Variants in ADAMTS2 observed in about 807,000 individuals in gnomAD.
ADAMTS2 encodes ADAM metallopeptidase with thrombospondin type 1 motif 2.
ADAMTS2 carries 50 observed loss-of-function variants against 123.0 expected under a neutral mutation model. That is an observed-to-expected ratio of 0.41 (90% CI 0.32 to 0.51). The LOEUF is 0.51. Ranked by LOEUF, ADAMTS2 falls within the 20% of genes least tolerant of loss-of-function variation. The probability of loss-of-function intolerance (pLI) is 0.35; values close to 1 mark genes in which losing one functional copy is unlikely to be tolerated. For missense variants in ADAMTS2, 1,494 were observed against 1,705.2 expected (o/e 0.88, Z 2.18); for synonymous variants, 678 against 695.4 (o/e 0.98, Z 0.39).
chr5:179,299,832 C>T (rs1756461083), intron 2 of ADAMTS2, among the ~76,000 whole-genome samples: 1 of 152,052 alleles, frequency 6.6e-6, no homozygotes, highest in Non-Finnish European at 1.5e-5. Context: ...GGCCAGCTCA[C>T]ACCTGTAATC....
intron 2 of ADAMTS2, among the ~76,000 whole-genome samples, chr5:179,329,120 G>T (rs187192067): frequency 4.6e-5 from 7 of 152,116 alleles, no homozygotes; most frequent in East Asian, 1.9e-4. Flanking sequence ...GAGGTCAGGA[G>T]ATGGAGACCA....
At chr5:179,236,491 A>C (rs1350163917) in intron 3 of ADAMTS2, among the ~76,000 whole-genome samples, 2 of 151,628 alleles carry the variant, frequency 1.3e-5, no homozygotes, top group Non-Finnish European at 2.9e-5. Flanking sequence ...GCCTCTGATA[A>C]AGAATCGTTT....
At chr5:179,171,331 C>A (rs561733434) in intron 5 of ADAMTS2, among the ~76,000 whole-genome samples, 2 of 152,190 alleles carry the variant, frequency 1.3e-5, no homozygotes, top group African/African-American at 2.4e-5. Context: ...ACAGCACATT[C>A]GCTAAGTCAG....
Position 179,283,856 on chromosome 5 carries a change from C to G in ADAMTS2, c.535-10792G>C, listed in dbSNP as rs186067817. ...AGTGAGCCGAGATCATGTCACTGCA[C>G]TCCAGCCTGGGAGACAGAGACAGAC... On this transcript the variant is annotated intron_variant, in intron 2 of 21. Transcript: ENST00000251582. 4.5e-3 allele frequency among the ~76,000 whole-genome samples: 681 copies of G among 151,352 alleles called. 7 individuals are homozygous for G. The highest frequency in any genetic ancestry group is 0.016 in the African/African-American group (653 of 41,352).
intron 2 of ADAMTS2, among the ~76,000 whole-genome samples, chr5:179,336,265 G>A (rs1477895215): frequency 2.6e-5 from 4 of 152,210 alleles, no homozygotes; most frequent in Middle Eastern, 6.3e-3. Flanking sequence ...GAAGAGTCAC[G>A]CTGTGAGGTC....
At position 179,207,583 on chromosome 5, in the gene ADAMTS2, A is replaced by G. The variant is rs1373325794; in HGVS notation, c.821T>C (p.Val274Ala). 3 of 1,612,762 alleles carry G rather than the reference A, an allele frequency of 1.9e-6. No individual in the cohort carries two copies. The highest frequency in any genetic ancestry group is 2.5e-6 in the Non-Finnish European group (3 of 1,179,930). ...GTGGAACTGCACCACAGAGTCATCC[A>G]CGCCCAGCAGGACCTCGATGTTGTA... is the stretch of plus-strand genomic sequence containing the variant. ...DDYNIEVLLG[V>A]DDSVVQFHGK... Residue 274 changes from valine to alanine, a missense_variant, in exon 4 of 22, where the codon GTG becomes GCG. Coordinates refer to ENST00000251582, the MANE Select transcript of ADAMTS2 (RefSeq NM_014244.5).
Position 179,207,646 on chromosome 5 carries a change from G to C in ADAMTS2, c.758C>G (p.Ser253Trp). Residue 253 changes from serine (S) to tryptophan (W), a missense_variant, in exon 4 of 22, where the codon TCG (serine) becomes TGG (tryptophan). Coordinates refer to ENST00000251582, the MANE Select transcript of ADAMTS2 (RefSeq NM_014244.5). Reference protein sequence around the residue: ...LGVLEEHANSSRRRARRHAAD... With the variant: ...LGVLEEHANSWRRRARRHAAD... ...AGCATGCCTGCGTGCCCTCCGCCTC[G>C]AGCTGTTGGCGTGCTCCTCTAGGAC... 1.9e-6 allele frequency: 3 copies of C among 1,613,678 alleles called. No individual in the cohort carries two copies. Among genetic ancestry groups the C allele is most frequent in the East Asian group, 2.2e-5 (1 of 44,882 alleles).
chr5:179,143,327 G>A (rs958641943), intron 10 of ADAMTS2, among the ~76,000 whole-genome samples: 1 of 151,990 alleles, frequency 6.6e-6, no homozygotes, highest in Non-Finnish European at 1.5e-5. Flanking sequence ...CCAGCTACTC[G>A]GAGGCTGAGA....
intron 3 of ADAMTS2, among the ~76,000 whole-genome samples, chr5:179,271,797 C>T (rs1288213852): frequency 1.3e-5 from 2 of 152,246 alleles, no homozygotes; most frequent in Non-Finnish European, 2.9e-5. Context: ...AGAAGTATGC[C>T]TGCCAGGCTG....
rs1242955408 is a variant in ADAMTS2 at position 179,202,962 on chromosome 5, G to C, written c.891+4551C>G. 6.6e-6 allele frequency among the ~76,000 whole-genome samples: 1 copy of C among 152,248 alleles called. No individual in the cohort carries two copies. Among genetic ancestry groups the C allele is most frequent in the Non-Finnish European group, 1.5e-5 (1 of 68,046 alleles). ...GCTACAAGGGAGACTGGGGAGGGGA[G>C]CACAGGGGTGATCGATGAGGCTGAA... is the stretch of plus-strand genomic sequence containing the variant. On this transcript the variant is annotated intron_variant, in intron 4 of 21. Transcript: ENST00000251582. The surrounding 1 kb of genome is among the most constrained non-coding windows in gnomAD (Gnocchi z 4.0).
intron 2 of ADAMTS2, among the ~76,000 whole-genome samples, chr5:179,277,362 A>AC (rs1766735411): frequency 1.2e-4 from 1 of 8,152 alleles, no homozygotes; most frequent in East Asian, 5.1e-3. Flanking sequence ...CCAAAGGCTG[A>AC]CACCCCCCGA....
rs1397278885 is a variant in ADAMTS2, at chr5:179,125,105, G to A, written c.2826C>T (p.Cys942=). 4 of 1,612,994 alleles carry A rather than the reference G, an allele frequency of 2.5e-6. No individual in the cohort carries two copies. The highest frequency in any genetic ancestry group is 3.4e-6 in the Non-Finnish European group (4 of 1,179,912). The change falls in exon 19 of 22, where the codon TGC becomes TGT. Residue 942 remains cysteine (C), a synonymous_variant. Transcript: ENST00000251582. ...RTGMQVRSVR[C]IQPLHDNTTR... is the part of the protein sequence containing the mutation. ...TGGTGTTGTCGTGTAGCGGCTGAAT[G>A]CAGCGCACGGAGCGCACCTGCATGC...
intron 2 of ADAMTS2, among the ~76,000 whole-genome samples, chr5:179,337,239 C>T (rs983575334): frequency 6.6e-6 from 1 of 152,180 alleles, no homozygotes; most frequent in Admixed American, 6.5e-5. Flanking sequence ...GGGCTGGGGT[C>T]CTCCTCTCCC....
intron 10 of ADAMTS2, among the ~76,000 whole-genome samples, chr5:179,149,977 C>T (rs1358710639): frequency 6.6e-6 from 1 of 152,206 alleles, no homozygotes; most frequent in Non-Finnish European, 1.5e-5. Context: ...GGTGGGTGGT[C>T]TCTGTGAGGT....
Position 179,345,175 on chromosome 5 carries a change from C to T in ADAMTS2, c.139+15G>A, listed in dbSNP as rs1468495562. 2.7e-6 allele frequency: 3 copies of T among 1,098,322 alleles called. No homozygotes were observed. In the African/African-American group the frequency reaches 5.0e-5, roughly 18 times the overall value. The allele number at this position is 1,098,322 out of a possible 1,614,324, so 68.0% of individuals were successfully genotyped here. A position where few individuals can be genotyped will look rare whatever the true frequency, so the allele number is the denominator to read the frequency against. ...CGGCGGGGGTCCCGGGGAGTAGGGG[C>T]CGGGCCGCACCTACCTGGGGGGTCG... On this transcript the variant is annotated intron_variant, in intron 1 of 21. Transcript: ENST00000251582. This position sits in a 1 kb window ranked among gnomAD's most constrained non-coding sequence, Gnocchi z 7.5.
rs1174345172 is a variant in ADAMTS2 at position 179,129,504 on chromosome 5, A to T, written c.2457+428T>A. Among the ~76,000 whole-genome samples, 1 of 152,194 alleles carries T rather than the reference A, an allele frequency of 6.6e-6. No homozygotes were observed. Among genetic ancestry groups the T allele is most frequent in the Non-Finnish European group, 1.5e-5 (1 of 68,024 alleles). On this transcript the variant is annotated intron_variant, in intron 16 of 21. Coordinates refer to ENST00000251582, the MANE Select transcript of ADAMTS2 (RefSeq NM_014244.5). This position sits in a 1 kb window ranked among gnomAD's most constrained non-coding sequence, Gnocchi z 4.1. ...AATCCAGCCCCCGTGGTACTTTCCT[A>T]CAACCAGGAGATCTGGGGTCCCATC...
At chr5:179,298,554 G>C (rs1756409793) in intron 2 of ADAMTS2, among the ~76,000 whole-genome samples, 1 of 152,186 alleles carries the variant, frequency 6.6e-6, no homozygotes, top group Non-Finnish European at 1.5e-5. Context: ...TAAACACCCA[G>C]TCTGTGATAT....
intron 5 of ADAMTS2, among the ~76,000 whole-genome samples, chr5:179,159,372 C>G (rs960726903): frequency 6.6e-6 from 1 of 152,168 alleles, no homozygotes. Context: ...ACGTTCCCCC[C>G]GTGTGAAGGT....
rs1022785107 is a variant in ADAMTS2, at chr5:179,266,814, T to C, written c.688+6097A>G. ...CCAAGCCTCACATCCGCTGTGTCAG[T>C]GGGGCTGGCTATCTGCTCGCCACTG... On this transcript the variant is annotated intron_variant, in intron 3 of 21. Transcript: ENST00000251582. Among the ~76,000 whole-genome samples the C allele has an allele frequency of 1.1e-4, 17 of 152,324 alleles. 1 individual carries two copies. In the East Asian group the frequency reaches 3.1e-3, roughly 28 times the overall value.
Sources: allele counts gnomAD v4.1 joint callset (sites outside exome capture counted in the v4.1 genomes callset), GRCh38; gene constraint gnomAD v4.1.1; non-coding constraint Gnocchi (gnomAD v3.1); transcripts MANE v1.5; gene names NCBI Gene and HGNC (gene_info 2026-07-23, HGNC 2026-07-21).